FLNC: variants seen among roughly 807,000 people sequenced by gnomAD.
FLNC encodes filamin C.
FLNC carries 91 observed loss-of-function variants against 254.3 expected under a neutral mutation model. That is an observed-to-expected ratio of 0.36 (90% CI 0.30 to 0.43). The LOEUF is 0.43. Among genes scored for constraint, FLNC ranks in the 20% least tolerant of loss-of-function variants. The probability of loss-of-function intolerance (pLI) is 1.00; values close to 1 mark genes in which losing one functional copy is unlikely to be tolerated. For missense variants in FLNC, 2,853 were observed against 3,802.6 expected (o/e 0.75, Z 6.57); for synonymous variants, 1,430 against 1,577.2 (o/e 0.91, Z 2.21).
chr7:128,845,956 C>T (rs773665983), intron 21 of FLNC, 34 bp from the exon 22 acceptor site: 1 of 1,608,784 alleles, frequency 6.2e-7, no homozygotes, highest in Admixed American at 1.7e-5. Context: ...AGGCTGCCCC[C>T]ACCCCTGCTG....
rs1419167259 is a variant in FLNC, at chr7:128,835,011, G to C, written c.353-315G>C. 6.6e-6 allele frequency among the ~76,000 whole-genome samples: 1 copy of C among 152,206 alleles called. No individual in the cohort carries two copies. The highest frequency in any genetic ancestry group is 1.5e-5 in the Non-Finnish European group (1 of 68,038). ...ACAAAACAAAAAGGCTCTGCCCTGG[G>C]AGCCTTACAATCCCACAAGGCCAGA... is the stretch of plus-strand genomic sequence containing the variant. On this transcript the variant is annotated intron_variant, in intron 1 of 47. Coordinates refer to ENST00000325888, the MANE Select transcript of FLNC (RefSeq NM_001458.5). The surrounding 1 kb of genome is among the most constrained non-coding windows in gnomAD (Gnocchi z 5.3).
At position 128,846,050 on chromosome 7, in the gene FLNC, G is replaced by A. The variant is rs1041643602; in HGVS notation, c.3851G>A (p.Gly1284Asp). The A allele has an allele frequency of 1.9e-6, 3 of 1,613,956 alleles. No homozygotes were observed. The African/African-American group carries it at 4.0e-5, about 22-fold the overall frequency. ...GATGCAAGATCCCTAACAGCCACAG[G>A]CGGCAACCACGTGACGGCTCGTGTG... is the stretch of plus-strand genomic sequence containing the variant. ...TVDARSLTATGGNHVTARVLN... is the reference protein window; with the variant it reads ...TVDARSLTATDGNHVTARVLN... Residue 1284 changes from glycine to aspartate, a missense_variant, in exon 22 of 48, where the codon GGC (glycine) becomes GAC (aspartate). This residue lies in a region of FLNC where 1,573 missense variants were observed against 1,883.5 expected (regional missense o/e 0.84). Coordinates refer to ENST00000325888, the MANE Select transcript of FLNC (RefSeq NM_001458.5).
Position 128,844,795 on chromosome 7 carries a change from G to A in FLNC, c.3330G>A (p.Gln1110=). ...EGPCEAKIEC[Q]DNGDGSCAVS... The stretch of plus-strand genomic sequence containing the variant: ...CCTGCGAGGCCAAGATCGAGTGCCA[G>A]GACAATGGTGATGGCTCATGTGCTG... The change falls in exon 21 of 48, where the codon CAG becomes CAA. Residue 1110 remains glutamine (Q), a synonymous_variant. Transcript: ENST00000325888. 1.2e-6 allele frequency: 2 copies of A among 1,614,154 alleles called. No homozygotes were observed. Among genetic ancestry groups the A allele is most frequent in the Non-Finnish European group, 8.5e-7 (1 of 1,180,046 alleles).
At position 128,850,696 on chromosome 7, in the gene FLNC, C is replaced by A. The variant is rs1166593654; in HGVS notation, c.5399-107C>A. 13 of 1,529,286 alleles carry A rather than the reference C, an allele frequency of 8.5e-6. No homozygotes were observed. The East Asian group carries it at 2.4e-4, about 28-fold the overall frequency. The allele number at this position is 1,529,286 out of a possible 1,614,324, so 94.7% of individuals were successfully genotyped here. On this transcript the variant is annotated intron_variant, in intron 32 of 47. Coordinates refer to ENST00000325888, the MANE Select transcript of FLNC (RefSeq NM_001458.5). ...CACTGCCACAGGCTGTCTCTTGATGCCTGGCTTCTCGGGTGGCAGCAGAAG... is the reference window on the plus strand; with the variant it reads ...CACTGCCACAGGCTGTCTCTTGATGACTGGCTTCTCGGGTGGCAGCAGAAG...
chr7:128,854,083 C>A lies in FLNC; in HGVS notation c.6594C>A (p.Gly2198=), dbSNP rs754112206. ...TERTEISKTR[G]GETKREVRVE... ...GCACGGAGATCAGCAAGACGCGGGGCGGGGAGACAAAGCGCGAGGTGCGGG... is the reference window on the plus strand; with the variant it reads ...GCACGGAGATCAGCAAGACGCGGGGAGGGGAGACAAAGCGCGAGGTGCGGG... The change falls in exon 40 of 48, where the codon GGC becomes GGA. Residue 2198 remains glycine (G), a synonymous_variant. Transcript: ENST00000325888. The A allele has an allele frequency of 1.9e-6, 3 of 1,613,054 alleles. No individual in the cohort carries two copies. In the East Asian group the frequency reaches 6.7e-5, roughly 36 times the overall value.
In FLNC at chr7:128,849,409, A is replaced by G; in HGVS notation, c.5030A>G (p.Lys1677Arg). ...GATGCCAAGGCAGCCGGTGAGGGGA[A>G]GGTGACATGCACGGTGTCCACGCCG... ...TVDAKAAGEG[K>R]VTCTVSTPDG... The change falls in exon 30 of 48, where the codon AAG becomes AGG. Residue 1677 changes from lysine (K) to arginine (R), a missense_variant. Around this residue, in one of 10 missense-constraint regions of FLNC, gnomAD observed 258 missense variants for 312.3 expected, o/e 0.83. Coordinates refer to ENST00000325888, the MANE Select transcript of FLNC (RefSeq NM_001458.5). 6.2e-7 allele frequency: 1 copy of G among 1,614,200 alleles called. No homozygotes were observed. Among genetic ancestry groups the G allele is most frequent in the Non-Finnish European group, 8.5e-7 (1 of 1,180,036 alleles).
chr7:128,843,760 T>G, intron 18 of FLNC, 36 bp from the exon 19 acceptor site: 1 of 1,589,112 alleles, frequency 6.3e-7, no homozygotes, highest in African/African-American at 1.3e-5. Flanking sequence ...GGACCTTGCC[T>G]TATATCCAGT....
At position 128,842,378 on chromosome 7, in the gene FLNC, C is replaced by A. The variant is rs1254832922; in HGVS notation, c.2265+4C>A. The A allele has an allele frequency of 1.9e-6, 3 of 1,613,272 alleles. No homozygotes were observed. In the Admixed American group the frequency reaches 5.0e-5, roughly 27 times the overall value. On this transcript the variant is annotated splice_donor_region_variant and intron_variant, in intron 14 of 47. Coordinates refer to ENST00000325888, the MANE Select transcript of FLNC (RefSeq NM_001458.5). This position sits in a 1 kb window ranked among gnomAD's most constrained non-coding sequence, Gnocchi z 5.4. ...CGTGCCCAAGAGCCCCTTCCGGGTG[C>A]GTCCTCCCGGCCTGCCCCGTGCCCA...
chr7:128,835,224 C>T lies in FLNC; in HGVS notation c.353-102C>T, dbSNP rs1215385318. 2.0e-6 allele frequency: 3 copies of T among 1,516,234 alleles called. No individual in the cohort carries two copies. Among genetic ancestry groups the T allele is most frequent in the African/African-American group, 1.4e-5 (1 of 73,042 alleles). 93.9% of individuals were successfully genotyped at this position (1,516,234 alleles called of 1,614,324 possible). Reference sequence around the variant, plus strand: ...AGGTAGGCAGAGACTAGAGGCCTGACCCCAGAGCTCTGGCCCGAGGAGCTG... The same window carrying T: ...AGGTAGGCAGAGACTAGAGGCCTGATCCCAGAGCTCTGGCCCGAGGAGCTG... On this transcript the variant is annotated intron_variant, in intron 1 of 47. Transcript: ENST00000325888. This position sits in a 1 kb window ranked among gnomAD's most constrained non-coding sequence, Gnocchi z 5.3.
intron 22 of FLNC, 22 bp downstream of exon 22, chr7:128,846,185 TAGTGGGCAGGGCTGGGCA>T (rs1017479471): frequency 3.3e-6 from 5 of 1,516,764 alleles, no homozygotes; most frequent in African/African-American, 1.7e-5. Flanking sequence ...TGGGCCAGGC[TAGTGGGCAGGGCTGGGCA>T]AGTGGGCAGG....
chr7:128,842,276 G>T lies in FLNC; in HGVS notation c.2167G>T (p.Asp723Tyr), dbSNP rs375414341. The change falls in exon 14 of 48, where the codon GAC becomes TAC. Residue 723 changes from aspartate (D) to tyrosine (Y), a missense_variant. Asp to Tyr is a radical substitution (Grantham distance 160, BLOSUM62 -3). Transcript: ENST00000325888. The surrounding 1 kb of genome is among the most constrained non-coding windows in gnomAD (Gnocchi z 5.4). The stretch of plus-strand genomic sequence containing the variant: ...CGACATCAAGGTGATCCCCAACGGC[G>T]ACGGCACCTTCCGCTGCTCCTACGT... Reference protein sequence around the residue: ...PIDIKVIPNGDGTFRCSYVPT... With the variant: ...PIDIKVIPNGYGTFRCSYVPT... 1.9e-5 allele frequency: 30 copies of T among 1,613,732 alleles called. No homozygotes were observed. The highest frequency in any genetic ancestry group is 2.5e-5 in the Non-Finnish European group (30 of 1,180,020).
In FLNC at chr7:128,840,953, C is replaced by G; in HGVS notation, c.1796C>G (p.Thr599Ser). ...GATTTTGTGGTGGAAGCCATTGGCA[C>G]CGAGGTGGGGACACTGGGTAAGTGG... ...SADFVVEAIGTEVGTLGFSIE... is the reference protein window; with the variant it reads ...SADFVVEAIGSEVGTLGFSIE... The change falls in exon 11 of 48, where the codon ACC (threonine) becomes AGC (serine). Residue 599 changes from threonine (T) to serine (S), a missense_variant. By Grantham distance (58) the Thr-to-Ser change is moderately conservative. Coordinates refer to ENST00000325888, the MANE Select transcript of FLNC (RefSeq NM_001458.5). 1.3e-6 allele frequency: 2 copies of G among 1,599,996 alleles called. No homozygotes were observed. The highest frequency in any genetic ancestry group is 1.7e-6 in the Non-Finnish European group (2 of 1,173,224).
rs777831660 is a variant in FLNC at position 128,844,009 on chromosome 7, G to A, written c.2935G>A (p.Ala979Thr). The A allele has an allele frequency of 1.2e-5, 19 of 1,614,052 alleles. No homozygotes were observed. The South Asian group carries it at 1.9e-4, about 16-fold the overall frequency. The change falls in exon 20 of 48, where the codon GCT becomes ACT. Residue 979 changes from alanine (A) to threonine (T), a missense_variant. Physicochemically the swap from Ala to Thr is moderately conservative, Grantham distance 58. Around this residue, in one of 10 missense-constraint regions of FLNC, gnomAD observed 1,573 missense variants for 1,883.5 expected, o/e 0.84. Coordinates refer to ENST00000325888, the MANE Select transcript of FLNC (RefSeq NM_001458.5). Reference sequence around the variant, plus strand: ...GTCACTTGCCCTCCACGCAGAGGTGGCTGTGGGACAGGAACAAGCATTCTC... The same window carrying A: ...GTCACTTGCCCTCCACGCAGAGGTGACTGTGGGACAGGAACAAGCATTCTC... ...IKVQGLNSKV[A>T]VGQEQAFSVN...
chr7:128,857,203 G>T lies in FLNC; in HGVS notation c.7647G>T (p.Gln2549His), dbSNP rs771689118. 2 of 1,614,046 alleles carry T rather than the reference G, an allele frequency of 1.2e-6. No homozygotes were observed. Among genetic ancestry groups the T allele is most frequent in the Admixed American group, 1.7e-5 (1 of 60,016 alleles). The change falls in exon 46 of 48, where the codon CAG (glutamine) becomes CAT (histidine). Residue 2549 changes from glutamine (Q) to histidine (H), a missense_variant. This residue lies in a region of FLNC where 197 missense variants were observed against 351.5 expected (regional missense o/e 0.56). Coordinates refer to ENST00000325888, the MANE Select transcript of FLNC (RefSeq NM_001458.5). The surrounding 1 kb of genome is among the most constrained non-coding windows in gnomAD (Gnocchi z 4.5). ...CCATTGATGGCCCCTCCAAGGTGCA[G>T]CTGGACTGTCGGGAGTGTCCTGAGG... ...SVTIDGPSKV[Q>H]LDCRECPEGH...
rs543476754 is a variant in FLNC at position 128,847,880 on chromosome 7, G to C, written c.4456+16G>C. Reference sequence around the variant, plus strand: ...GGCCCCACAGGTATAGAATGGCCGGGGCAGGGAGGAGGGAGGTGGGGCGGG... The same window carrying C: ...GGCCCCACAGGTATAGAATGGCCGGCGCAGGGAGGAGGGAGGTGGGGCGGG... On this transcript the variant is annotated intron_variant, in intron 25 of 47. Coordinates refer to ENST00000325888, the MANE Select transcript of FLNC (RefSeq NM_001458.5). 1 of 1,613,778 alleles carries C rather than the reference G, an allele frequency of 6.2e-7. No homozygotes were observed. The highest frequency in any genetic ancestry group is 1.3e-5 in the African/African-American group (1 of 74,938).
rs761915876 is a variant in FLNC at position 128,849,617 on chromosome 7, AG to A, written c.5199+45del. 5 of 1,608,070 alleles carry A rather than the reference AG, an allele frequency of 3.1e-6. No individual in the cohort carries two copies. The South Asian group carries it at 3.3e-5, about 11-fold the overall frequency. On this transcript the variant is annotated intron_variant, in intron 30 of 47. Coordinates refer to ENST00000325888, the MANE Select transcript of FLNC (RefSeq NM_001458.5). ...CCACAGCAAGACTAGATGGCTGGGG[AG>A]GGGGGCCTGGCCCTTTTAGCAGCAG...
At chr7:128,832,971 C>T (rs1322619345) in intron 1 of FLNC, among the ~76,000 whole-genome samples, 1 of 152,182 alleles carries the variant, frequency 6.6e-6, no homozygotes, top group Non-Finnish European at 1.5e-5. Flanking sequence ...TGTCTCAGCA[C>T]CGAAATCGAG....
Position 128,842,478 on chromosome 7 carries a change from G to A in FLNC, c.2266-97G>A. 6.3e-7 allele frequency: 1 copy of A among 1,582,738 alleles called. No homozygotes were observed. Among genetic ancestry groups the A allele is most frequent in the East Asian group, 2.3e-5 (1 of 43,260 alleles). On this transcript the variant is annotated intron_variant, in intron 14 of 47. Coordinates refer to ENST00000325888, the MANE Select transcript of FLNC (RefSeq NM_001458.5). The surrounding 1 kb of genome is among the most constrained non-coding windows in gnomAD (Gnocchi z 5.4). ...GTCCCTGGGCTCAGGCTGGGACTGAGGCTTGGGCTGGTGCCACTGAGGCTG... is the reference window on the plus strand; with the variant it reads ...GTCCCTGGGCTCAGGCTGGGACTGAAGCTTGGGCTGGTGCCACTGAGGCTG...
Position 128,857,058 on chromosome 7 carries a change from C to T in FLNC, c.7562-60C>T. The T allele has an allele frequency of 6.3e-7, 1 of 1,583,164 alleles. No individual in the cohort carries two copies. Among genetic ancestry groups the T allele is most frequent in the Non-Finnish European group, 8.7e-7 (1 of 1,152,914 alleles). On this transcript the variant is annotated intron_variant, in intron 45 of 47. Coordinates refer to ENST00000325888, the MANE Select transcript of FLNC (RefSeq NM_001458.5). This position sits in a 1 kb window ranked among gnomAD's most constrained non-coding sequence, Gnocchi z 4.5. ...CAGAGGCTGTCCAGGGAGCTGGGGC[C>T]CAGTCCCTCTTGGGCCACAAGCCCT...
Sources: allele counts gnomAD v4.1 joint callset (sites outside exome capture counted in the v4.1 genomes callset), GRCh38; gene constraint gnomAD v4.1.1; regional missense constraint gnomAD v4.1.1; non-coding constraint Gnocchi (gnomAD v3.1); transcripts MANE v1.5; gene names NCBI Gene and HGNC (gene_info 2026-07-23, HGNC 2026-07-21).